Variants in OR4K2 observed in about 807,000 individuals in gnomAD.
The protein encoded by OR4K2 is olfactory receptor family 4 subfamily K member 2.
Under a neutral mutation model 10.5 loss-of-function variants are expected in OR4K2, and 8 were observed. The ratio of observed to expected loss-of-function variants is 0.76; its 90% CI spans 0.45 to 1.37. The LOEUF (loss-of-function observed/expected upper bound fraction) is 1.37. OR4K2 is among the 40% of genes most tolerant of loss of function. OR4K2 has a pLI of 0.00. For missense variants in OR4K2, 547 were observed against 379.5 expected (o/e 1.44, Z -3.67); for synonymous variants, 178 against 133.6 (o/e 1.33, Z -2.29).
rs753072197 is a variant in OR4K2 at position 19,876,836 on chromosome 14, T to A, written c.569T>A (p.Val190Glu). The part of the protein sequence containing the change: ...DLPVVFQLAC[V>E]DTYVLGLFMI... ...CCTGTGGTGTTCCAGTTGGCTTGTG[T>A]GGATACTTATGTTCTGGGCCTCTTT... The change falls in exon 2 of 2, where the codon GTG becomes GAG. Residue 190 changes from valine (V) to glutamate (E), a missense_variant. By Grantham distance (121) the Val-to-Glu change is moderately radical. Coordinates refer to ENST00000641885, the MANE Select transcript of OR4K2 (RefSeq NM_001005501.2). The A allele has an allele frequency of 6.2e-7, 1 of 1,614,214 alleles. No homozygotes were observed. Among genetic ancestry groups the A allele is most frequent in the Non-Finnish European group, 8.5e-7 (1 of 1,180,006 alleles).
Position 19,882,829 on chromosome 14 carries a change from C to CTTTTTT in OR4K2, c.*5628_*5633dup, listed in dbSNP as rs369726984. ...TTATCTTTCTTTTTCTTTTTTTTTT[C>CTTTTTT]TTTTTTTTTTTTTTTTGAGACGGAG... On this transcript the variant is annotated 3_prime_UTR_variant, in exon 2 of 2. Transcript: ENST00000641885. 2.4e-5 allele frequency: 3 copies of CTTTTTT among 123,412 alleles called. No individual in the cohort carries two copies. Among genetic ancestry groups the CTTTTTT allele is most frequent in the African/African-American group, 6.2e-5 (2 of 32,174 alleles). The allele number at this position is 123,412 out of a possible 1,614,324, so 7.6% of individuals were successfully genotyped here.
Position 19,876,536 on chromosome 14 carries a change from AAACC to A in OR4K2, c.271_274del (p.Thr91SerfsTer66). ...ATTACAGATTACCTAACAGGTCACA[AAACC>A]ATCTCTTTTGATGGCTGCCTTACCC... On this transcript the variant is annotated frameshift_variant, in exon 2 of 2. Coordinates refer to ENST00000641885, the MANE Select transcript of OR4K2 (RefSeq NM_001005501.2). LOFTEE classifies it high-confidence loss of function. 1 of 1,614,214 alleles carries A rather than the reference AAACC, an allele frequency of 6.2e-7. No individual in the cohort carries two copies. The highest frequency in any genetic ancestry group is 8.5e-7 in the Non-Finnish European group (1 of 1,180,008).
In OR4K2 at chr14:19,880,448, G is replaced by A. The variant is rs553297820; in HGVS notation, c.*3236G>A. ...AAATGTTAGTCATTGTATCATTCTG[G>A]GTGATAACCTCTGGATATCTTTGTT... On this transcript the variant is annotated 3_prime_UTR_variant, in exon 2 of 2. Coordinates refer to ENST00000641885, the MANE Select transcript of OR4K2 (RefSeq NM_001005501.2). 1 of 152,152 alleles carries A rather than the reference G, an allele frequency of 6.6e-6. No individual in the cohort carries two copies. Among genetic ancestry groups the A allele is most frequent in the African/African-American group, 2.4e-5 (1 of 41,432 alleles). The allele number at this position is 152,152 out of a possible 1,614,324, so 9.4% of individuals were successfully genotyped here.
rs1881076204 is a variant in OR4K2, at chr14:19,882,958, GCTGGGA to G, written c.*5749_*5754del. Reference sequence around the variant, plus strand: ...TTCTCCTGCCTCAGCCTCCTGAGTAGCTGGGACTACAGGCGCCCGCCACCACGCCCA... The same window carrying G: ...TTCTCCTGCCTCAGCCTCCTGAGTAGCTACAGGCGCCCGCCACCACGCCCA... On this transcript the variant is annotated 3_prime_UTR_variant, in exon 2 of 2. Coordinates refer to ENST00000641885, the MANE Select transcript of OR4K2 (RefSeq NM_001005501.2). 6.6e-6 allele frequency: 1 copy of G among 152,052 alleles called. No homozygotes were observed. The highest frequency in any genetic ancestry group is 1.5e-5 in the Non-Finnish European group (1 of 68,384). 9.4% of individuals were successfully genotyped at this position (152,052 alleles called of 1,614,324 possible). A position where few individuals can be genotyped will look rare whatever the true frequency, so the allele number is the denominator to read the frequency against.
chr14:19,882,683 A>G lies in OR4K2; in HGVS notation c.*5471A>G, dbSNP rs1225042320. On this transcript the variant is annotated 3_prime_UTR_variant, in exon 2 of 2. Coordinates refer to ENST00000641885, the MANE Select transcript of OR4K2 (RefSeq NM_001005501.2). The stretch of plus-strand genomic sequence containing the variant: ...ATTATTTGCATTTCTTTTCAGTTTC[A>G]TGAATACATATATACTCAAATATAC... 6.6e-6 allele frequency: 1 copy of G among 152,236 alleles called. No homozygotes were observed. The highest frequency in any genetic ancestry group is 6.5e-5 in the Admixed American group (1 of 15,282). 9.4% of individuals were successfully genotyped at this position (152,236 alleles called of 1,614,324 possible).
In OR4K2 at chr14:19,880,389, A is replaced by C. The variant is rs1431103848; in HGVS notation, c.*3177A>C. On this transcript the variant is annotated 3_prime_UTR_variant, in exon 2 of 2. Coordinates refer to ENST00000641885, the MANE Select transcript of OR4K2 (RefSeq NM_001005501.2). ...ACCACAGAGTTATTTGAGGCATAAA[A>C]GAAGCAAATAATATGAAGCATATGG... 1 of 152,282 alleles carries C rather than the reference A, an allele frequency of 6.6e-6. No homozygotes were observed. The highest frequency in any genetic ancestry group is 6.5e-5 in the Admixed American group (1 of 15,288). The allele number at this position is 152,282 out of a possible 1,614,324, so 9.4% of individuals were successfully genotyped here.
Position 19,875,306 on chromosome 14 carries a change from T to G in OR4K2, c.-852T>G, listed in dbSNP as rs1192546431. The G allele has an allele frequency of 1.3e-5, 2 of 152,290 alleles. No individual in the cohort carries two copies. The highest frequency in any genetic ancestry group is 3.8e-4 in the East Asian group (2 of 5,208). The allele number at this position is 152,290 out of a possible 1,614,324, so 9.4% of individuals were successfully genotyped here. ...ATAGATCTGATAAGTAAAAGTGTTT[T>G]ACAAATGAGTTCTACTGAAATATTT... On this transcript the variant is annotated 5_prime_UTR_variant, in exon 1 of 2. Transcript: ENST00000641885.
chr14:19,876,747 C>G lies in OR4K2; in HGVS notation c.480C>G (p.Val160=). The change falls in exon 2 of 2, where the codon GTC becomes GTG. Residue 160 remains valine (V), a synonymous_variant. Coordinates refer to ENST00000641885, the MANE Select transcript of OR4K2 (RefSeq NM_001005501.2). ...GAGTTATGCATTCAATGAGTCAGGT[C>G]ATATTTGCCCTCACGTTACCATTCT... ...IMGVMHSMSQ[V]IFALTLPFCG... 1 of 1,614,168 alleles carries G rather than the reference C, an allele frequency of 6.2e-7. No homozygotes were observed. The highest frequency in any genetic ancestry group is 8.5e-7 in the Non-Finnish European group (1 of 1,179,998).
chr14:19,880,890 G>C lies in OR4K2; in HGVS notation c.*3678G>C, dbSNP rs1406040111. On this transcript the variant is annotated 3_prime_UTR_variant, in exon 2 of 2. Coordinates refer to ENST00000641885, the MANE Select transcript of OR4K2 (RefSeq NM_001005501.2). ...ATAGATGAAGTTTTGTATTATATGAGCTGTCTTATGTGAAGTATTTTTCTG... is the reference window on the plus strand; with the variant it reads ...ATAGATGAAGTTTTGTATTATATGACCTGTCTTATGTGAAGTATTTTTCTG... 6.6e-6 allele frequency: 1 copy of C among 152,254 alleles called. No homozygotes were observed. Among genetic ancestry groups the C allele is most frequent in the Non-Finnish European group, 1.5e-5 (1 of 68,048 alleles). The allele number at this position is 152,254 out of a possible 1,614,324, so 9.4% of individuals were successfully genotyped here. A position where few individuals can be genotyped will look rare whatever the true frequency, so the allele number is the denominator to read the frequency against.
Position 19,877,446 on chromosome 14 carries a change from A to G in OR4K2, c.*234A>G. ...GACAGTTCCAGTTAGGACATTCAATATCAATAATCAATTTATTGGAAAAGA... is the reference window on the plus strand; with the variant it reads ...GACAGTTCCAGTTAGGACATTCAATGTCAATAATCAATTTATTGGAAAAGA... On this transcript the variant is annotated 3_prime_UTR_variant, in exon 2 of 2. Coordinates refer to ENST00000641885, the MANE Select transcript of OR4K2 (RefSeq NM_001005501.2). The G allele has an allele frequency of 2.5e-6, 1 of 398,654 alleles. No homozygotes were observed. The highest frequency in any genetic ancestry group is 4.6e-6 in the Non-Finnish European group (1 of 219,588). 24.7% of individuals were successfully genotyped at this position (398,654 alleles called of 1,614,324 possible).
At position 19,877,243 on chromosome 14, in the gene OR4K2, C is replaced by T. The variant is rs562803875; in HGVS notation, c.*31C>T. 3.6e-6 allele frequency: 5 copies of T among 1,402,374 alleles called. No individual in the cohort carries two copies. Among genetic ancestry groups the T allele is most frequent in the Admixed American group, 2.1e-5 (1 of 47,252 alleles). 86.9% of individuals were successfully genotyped at this position (1,402,374 alleles called of 1,614,324 possible). A position where few individuals can be genotyped will look rare whatever the true frequency, so the allele number is the denominator to read the frequency against. ...GTGACACAGAACATTAGACACAATG[C>T]TGTGTTAGGCTTTTCTTTCTAGAGG... On this transcript the variant is annotated 3_prime_UTR_variant, in exon 2 of 2. Coordinates refer to ENST00000641885, the MANE Select transcript of OR4K2 (RefSeq NM_001005501.2).
chr14:19,875,870 T>C lies in OR4K2; in HGVS notation c.-288T>C, dbSNP rs1880880862. 1 of 181,440 alleles carries C rather than the reference T, an allele frequency of 5.5e-6. No homozygotes were observed. Among genetic ancestry groups the C allele is most frequent in the East Asian group, 1.5e-4 (1 of 6,582 alleles). The allele number at this position is 181,440 out of a possible 1,614,324, so 11.2% of individuals were successfully genotyped here. A position where few individuals can be genotyped will look rare whatever the true frequency, so the allele number is the denominator to read the frequency against. ...GACAAATTCCAAATGACTAAACATG[T>C]ATGTGTATGTGTGTTTCACACATTG... is the stretch of plus-strand genomic sequence containing the variant. On this transcript the variant is annotated 5_prime_UTR_variant, in exon 1 of 2. Transcript: ENST00000641885.
At position 19,877,609 on chromosome 14, in the gene OR4K2, G is replaced by T. The variant is rs1779187576; in HGVS notation, c.*397G>T. ...GCTAGCAAGATTCCTATAATCCTTA[G>T]GAACTCCATACTGCTGTAGGATCTT... On this transcript the variant is annotated 3_prime_UTR_variant, in exon 2 of 2. Coordinates refer to ENST00000641885, the MANE Select transcript of OR4K2 (RefSeq NM_001005501.2). The T allele has an allele frequency of 5.5e-6, 1 of 181,266 alleles. No individual in the cohort carries two copies. The highest frequency in any genetic ancestry group is 1.2e-5 in the Non-Finnish European group (1 of 86,216). The allele number at this position is 181,266 out of a possible 1,614,324, so 11.2% of individuals were successfully genotyped here.
intron 1 of OR4K2, 31 bp from the exon 2 acceptor site, chr14:19,876,214 C>CTTTTT (rs35601631): frequency 7.3e-5 from 47 of 642,344 alleles, no homozygotes; most frequent in East Asian, 1.3e-4. Flanking sequence ...TCTGACTTTC[C>CTTTTT]TTTTTTTTTT....
Position 19,875,290 on chromosome 14 carries a change from A to G in OR4K2, c.-868A>G, listed in dbSNP as rs1614339. Reference sequence around the variant, plus strand: ...AAGCCCTGGTTCTTCTATAGATCTGATAAGTAAAAGTGTTTTACAAATGAG... The same window carrying G: ...AAGCCCTGGTTCTTCTATAGATCTGGTAAGTAAAAGTGTTTTACAAATGAG... On this transcript the variant is annotated 5_prime_UTR_variant, in exon 1 of 2. Transcript: ENST00000641885. 0.87 allele frequency: 132,280 copies of G among 152,180 alleles called. 56,288 individuals are homozygous for G. Among genetic ancestry groups the G allele is most frequent in the African/African-American group, 0.9 (37,344 of 41,538 alleles). 9.4% of individuals were successfully genotyped at this position (152,180 alleles called of 1,614,324 possible).
rs1043835941 is a variant in OR4K2, at chr14:19,880,704, T to C, written c.*3492T>C. The C allele has an allele frequency of 6.6e-6, 1 of 152,240 alleles. No individual in the cohort carries two copies. The highest frequency in any genetic ancestry group is 1.5e-5 in the Non-Finnish European group (1 of 68,034). The allele number at this position is 152,240 out of a possible 1,614,324, so 9.4% of individuals were successfully genotyped here. On this transcript the variant is annotated 3_prime_UTR_variant, in exon 2 of 2. Transcript: ENST00000641885. ...GTCATTAATCAAGAGAAGTATCAAGTTGTTGCTTAATCATTATGCTATTGC... is the reference window on the plus strand; with the variant it reads ...GTCATTAATCAAGAGAAGTATCAAGCTGTTGCTTAATCATTATGCTATTGC...
In OR4K2 at chr14:19,880,533, T is replaced by C. The variant is rs1238512626; in HGVS notation, c.*3321T>C. 6.6e-6 allele frequency: 1 copy of C among 152,266 alleles called. No homozygotes were observed. The highest frequency in any genetic ancestry group is 1.9e-4 in the East Asian group (1 of 5,208). 9.4% of individuals were successfully genotyped at this position (152,266 alleles called of 1,614,324 possible). The stretch of plus-strand genomic sequence containing the variant: ...ACTTGTTTAATTTAAAAGGTAAATT[T>C]TCATTTATATGTTTTAAATATTCAT... On this transcript the variant is annotated 3_prime_UTR_variant, in exon 2 of 2. Coordinates refer to ENST00000641885, the MANE Select transcript of OR4K2 (RefSeq NM_001005501.2).
In OR4K2 at chr14:19,875,173, A is replaced by T. The variant is rs1335248418; in HGVS notation, c.-985A>T. On this transcript the variant is annotated 5_prime_UTR_variant, in exon 1 of 2. Coordinates refer to ENST00000641885, the MANE Select transcript of OR4K2 (RefSeq NM_001005501.2). ...ACAACATCCATTTTATCCACAGCTG[A>T]TACACAACTAATGATTCAACTAGGT... 6.6e-6 allele frequency: 1 copy of T among 152,242 alleles called. No homozygotes were observed. Among genetic ancestry groups the T allele is most frequent in the Non-Finnish European group, 1.5e-5 (1 of 68,032 alleles). The allele number at this position is 152,242 out of a possible 1,614,324, so 9.4% of individuals were successfully genotyped here.
Position 19,879,401 on chromosome 14 carries a change from A to T in OR4K2, c.*2189A>T, listed in dbSNP as rs1476030206. ...GCAGTGACATGGCCATGGACTCGTT[A>T]AGCAATAGTAAGGATGGTGCCAGCT... On this transcript the variant is annotated 3_prime_UTR_variant, in exon 2 of 2. Transcript: ENST00000641885. The T allele has an allele frequency of 1.3e-5, 2 of 152,322 alleles. No homozygotes were observed. The highest frequency in any genetic ancestry group is 4.8e-5 in the African/African-American group (2 of 41,464). The allele number at this position is 152,322 out of a possible 1,614,324, so 9.4% of individuals were successfully genotyped here.
Sources: gnomAD v4.1 joint callset for allele counts on GRCh38, gnomAD v4.1.1 for gene constraint, MANE v1.5 for transcripts, NCBI Gene and HGNC (gene_info 2026-07-23, HGNC 2026-07-21) for gene names.